The following HEATR4 variants were observed in gnomAD, a reference collection of about 807,000 sequenced individuals.
HEATR4 encodes HEAT repeat containing 4.
Under a neutral mutation model 108.8 loss-of-function variants are expected in HEATR4, and 95 were observed. The observed-to-expected ratio is 0.87, with a 90% CI of 0.74 to 1.04. HEATR4 has a LOEUF of 1.04. Ranked by LOEUF, HEATR4 falls within the 50% of genes least tolerant of loss-of-function variation. HEATR4 has a pLI of 0.00. For missense variants in HEATR4, 1,152 were observed against 1,253.8 expected (o/e 0.92, Z 1.23); for synonymous variants, 443 against 459.4 (o/e 0.96, Z 0.46).
the HEATR4 span, among the ~76,000 whole-genome samples, chr14:73,572,401 A>G: frequency 6.8e-6 from 1 of 147,440 alleles, no homozygotes; most frequent in Non-Finnish European, 1.5e-5. Flanking sequence ...GAAACAGTCA[A>G]ACCCTAGGAG....
the HEATR4 span, among the ~76,000 whole-genome samples, chr14:73,628,825 G>A: frequency 1.3e-5 from 2 of 152,028 alleles, no homozygotes; most frequent in Non-Finnish European, 2.9e-5. Context: ...GCCGAGGCTG[G>A]TGGATGACCG....
chr14:73,498,729 A>G (rs1375004661), intron 13 of HEATR4, among the ~76,000 whole-genome samples: 1 of 152,218 alleles, frequency 6.6e-6, no homozygotes, highest in African/African-American at 2.4e-5. Context: ...AGCAGTCTTG[A>G]AACTGATCTG....
chr14:73,592,131 G>C, the HEATR4 span: 1 of 1,566,744 alleles, frequency 6.4e-7, no homozygotes, highest in Non-Finnish European at 8.6e-7. Flanking sequence ...CGACGCCCGC[G>C]GCGAGCTGGA....
At chr14:73,579,432 G>A in the HEATR4 span, among the ~76,000 whole-genome samples, 11 of 145,934 alleles carry the variant, frequency 7.5e-5, no homozygotes, top group African/African-American at 2.8e-4. Flanking sequence ...AACATTAGCC[G>A]AGCGTGGTGC....
chr14:73,567,665 T>C, the HEATR4 span: 1 of 152,098 alleles, frequency 6.6e-6, no homozygotes, highest in African/African-American at 2.4e-5. Flanking sequence ...TTTGTTCTTT[T>C]GTACTTCACA....
chr14:73,519,300 TG>T, intron 4 of HEATR4, 137 bp from the exon 5 acceptor site: 1 of 724,728 alleles, frequency 1.4e-6, no homozygotes, highest in South Asian at 2.6e-5. Context: ...TGCCATACTC[TG>T]GGGCATCCCT....
chr14:73,569,507 C>T, the HEATR4 span: 5 of 1,609,762 alleles, frequency 3.1e-6, no homozygotes, highest in South Asian at 5.5e-5. Flanking sequence ...GCGGCCTAGC[C>T]CCGGAGCAGC....
upstream of HEATR4, among the ~76,000 whole-genome samples, chr14:73,563,904 G>A (rs188732871): frequency 2.0e-3 from 300 of 152,042 alleles, 2 homozygotes; most frequent in African/African-American, 6.9e-3. Context: ...GGGAAGAGGA[G>A]GTGGGAGGAT....
intron 5 of HEATR4, among the ~76,000 whole-genome samples, chr14:73,517,675 AAAAAAAG>A (rs1354709969): frequency 1.3e-5 from 2 of 150,120 alleles, no homozygotes; most frequent in Non-Finnish European, 3.0e-5. Flanking sequence ...CAAAAAAAAA[AAAAAAAG>A]AAGAAGAAAA....
rs139615409 is a variant in HEATR4, at chr14:73,522,506, C to T, written c.647G>A (p.Arg216Gln). Reference protein sequence around the residue: ...VLEKLNERTARWIQSKRPRRP... With the variant: ...VLEKLNERTAQWIQSKRPRRP... ...TCGAGGACGCTTGCTCTGGATCCAT[C>T]GGGCTGTGCGCTCGTTCAGCTTTTC... Residue 216 changes from arginine to glutamine, a missense_variant, in exon 3 of 18, where the codon CGA (arginine) becomes CAA (glutamine). Physicochemically the swap from Arg to Gln is conservative, Grantham distance 43. Coordinates refer to ENST00000553558, the MANE Select transcript of HEATR4 (RefSeq NM_001220484.1). 1.1e-5 allele frequency: 17 copies of T among 1,614,076 alleles called. No individual in the cohort carries two copies. The highest frequency in any genetic ancestry group is 5.0e-5 in the Admixed American group (3 of 60,006).
intron 17 of HEATR4, chr14:73,491,197 C>T (rs1329199230): frequency 6.3e-7 from 1 of 1,596,672 alleles, no homozygotes; most frequent in Non-Finnish European, 8.5e-7. Context: ...CGCTGCCTAG[C>T]GAGAACTCGG....
rs543491523 is a variant in HEATR4, at chr14:73,536,516, TAA to T, written c.-151-6274_-151-6273del. 1.2e-4 allele frequency among the ~76,000 whole-genome samples: 7 copies of T among 59,334 alleles called. 1 individual carries two copies. Among genetic ancestry groups the T allele is most frequent in the Non-Finnish European group, 1.3e-4 (4 of 31,566 alleles). The allele number at this position is 59,334 out of a possible 152,430, so 38.9% of individuals were successfully genotyped here. A position where few individuals can be genotyped will look rare whatever the true frequency, so the allele number is the denominator to read the frequency against. ...GCAACGTAGTGAGACCCTGTCTCTT[TAA>T]AAAAAAAAAAAAAAAAAAAAAAAGA... On this transcript the variant is annotated intron_variant, in intron 1 of 17. Transcript: ENST00000553558.
the HEATR4 span, among the ~76,000 whole-genome samples, chr14:73,621,518 C>T: frequency 1.3e-5 from 2 of 152,166 alleles, no homozygotes; most frequent in African/African-American, 4.8e-5. Context: ...TATCTAGAGT[C>T]ATAACAGACC....
intron 5 of HEATR4, among the ~76,000 whole-genome samples, chr14:73,518,713 G>C (rs1244959996): frequency 6.6e-6 from 1 of 152,104 alleles, no homozygotes; most frequent in East Asian, 1.9e-4. Flanking sequence ...TCCCTGTTAG[G>C]TGCACTTTCC....
At chr14:73,594,920 G>T in the HEATR4 span, 1 of 1,087,692 alleles carries the variant, frequency 9.2e-7, no homozygotes, top group South Asian at 1.5e-5. Context: ...GGCCAGGCTG[G>T]TCTCAAACTC....
chr14:73,595,641 T>C, the HEATR4 span: 5 of 1,521,196 alleles, frequency 3.3e-6, no homozygotes, highest in East Asian at 9.1e-5. Flanking sequence ...AAAACAGCTG[T>C]CCCTAAATTG....
At chr14:73,633,030 G>T in the HEATR4 span, among the ~76,000 whole-genome samples, 1 of 136,854 alleles carries the variant, frequency 7.3e-6, no homozygotes, top group Non-Finnish European at 1.6e-5. Flanking sequence ...TTTGAGATGG[G>T]GTCTCATTCT....
At position 73,537,157 on chromosome 14, in the gene HEATR4, C is replaced by G. The variant is rs2014827693; in HGVS notation, c.-151-6913G>C. The G allele has an allele frequency of 5.6e-6, 2 of 356,070 alleles. 1 individual carries two copies. The highest frequency in any genetic ancestry group is 9.4e-6 in the Non-Finnish European group (2 of 212,512). The allele number at this position is 356,070 out of a possible 1,614,324, so 22.1% of individuals were successfully genotyped here. On this transcript the variant is annotated intron_variant, in intron 1 of 17. Coordinates refer to ENST00000553558, the MANE Select transcript of HEATR4 (RefSeq NM_001220484.1). ...TGGCCCAGCCCATTCCGCGAGCCAG[C>G]AAGCTTCTGAAAAGCAAACCTAGGA...
chr14:73,558,320 T>C (rs958622422), intron 1 of HEATR4, among the ~76,000 whole-genome samples: 2 of 141,562 alleles, frequency 1.4e-5, no homozygotes, highest in African/African-American at 5.3e-5. Context: ...TCTCCAGAGA[T>C]TACTCTGGAA....
Sources: gnomAD v4.1 joint callset for allele counts (sites outside exome capture counted in the v4.1 genomes callset) on GRCh38, gnomAD v4.1.1 for gene constraint, MANE v1.5 for transcripts, NCBI Gene and HGNC (gene_info 2026-07-23, HGNC 2026-07-21) for gene names.